RABGEF1: variants seen among roughly 807,000 people sequenced by gnomAD.
The protein encoded by RABGEF1 is rab5 GDP/GTP exchange factor.
In RABGEF1, 26 loss-of-function variants were observed where a neutral mutation model predicts 57.3. The ratio of observed to expected loss-of-function variants is 0.45; its 90% CI spans 0.33 to 0.63. The LOEUF (loss-of-function observed/expected upper bound fraction) is 0.63. Among genes scored for constraint, RABGEF1 ranks in the 20% least tolerant of loss-of-function variants. The probability of loss-of-function intolerance (pLI) is 0.02; values close to 1 mark genes in which losing one functional copy is unlikely to be tolerated. For missense variants in RABGEF1, 464 were observed against 607.6 expected, an observed-to-expected ratio of 0.76 and a Z score of 2.48; for synonymous variants, 185 against 210.7, an observed-to-expected ratio of 0.88 and a Z score of 1.06.
chr7:66,675,483 A>G, the RABGEF1 span, among the ~76,000 whole-genome samples: 8 of 152,078 alleles, frequency 5.3e-5, no homozygotes, highest in African/African-American at 1.9e-4. Context: ...CAGCTAATAT[A>G]CTCAGTGGTG....
chr7:66,806,006 A>T (rs908614225), intron 8 of RABGEF1, among the ~76,000 whole-genome samples: 1 of 151,512 alleles, frequency 6.6e-6, no homozygotes, highest in Non-Finnish European at 1.5e-5. Flanking sequence ...TGACCTCCCT[A>T]AGAGTTGGAA....
At chr7:66,654,897 C>T in the RABGEF1 span, among the ~76,000 whole-genome samples, 1 of 152,266 alleles carries the variant, frequency 6.6e-6, no homozygotes. Context: ...ATCTCCAGCG[C>T]CCGGACAAGC....
chr7:66,690,626 G>C (rs1431252517), intron 1 of RABGEF1, among the ~76,000 whole-genome samples: 1 of 151,524 alleles, frequency 6.6e-6, no homozygotes, highest in African/African-American at 2.4e-5. Flanking sequence ...GAGGTGAAAG[G>C]ATCTGGGAAG....
At chr7:66,684,228 G>A (rs1019992874) in intron 1 of RABGEF1, among the ~76,000 whole-genome samples, 1 of 152,038 alleles carries the variant, frequency 6.6e-6, no homozygotes, top group African/African-American at 2.4e-5. Context: ...GTTGGATCAC[G>A]AGGTCAGGAG....
the RABGEF1 span, among the ~76,000 whole-genome samples, chr7:66,666,689 C>T: frequency 6.6e-6 from 1 of 152,212 alleles, no homozygotes; most frequent in Non-Finnish European, 1.5e-5. Flanking sequence ...CCTGTCTGGC[C>T]AACACCCTTG....
chr7:66,793,093 G>A (rs10215516), intron 4 of RABGEF1, among the ~76,000 whole-genome samples: 74,406 of 151,944 alleles, frequency 0.49, 19,213 homozygotes, highest in East Asian at 0.74. Flanking sequence ...CTTGACACCA[G>A]TAAGACAGGC....
intron 1 of RABGEF1, among the ~76,000 whole-genome samples, chr7:66,745,195 A>G (rs1799921970): frequency 6.6e-6 from 1 of 152,048 alleles, no homozygotes; most frequent in Non-Finnish European, 1.5e-5. Flanking sequence ...CCATCTCAAA[A>G]AAAAAAAAAA....
chr7:66,678,930 CATGATAAAGAATCCCTCCTCTAA>C (rs1789497800), upstream of RABGEF1, among the ~76,000 whole-genome samples: 1 of 152,168 alleles, frequency 6.6e-6, no homozygotes, highest in South Asian at 2.1e-4. Flanking sequence ...ACTCACGTGG[CATGATAAAGAATCCCTCCTCTAA>C]ACCAATAACC....
At chr7:66,808,300 C>T (rs1407030545) in intron 8 of RABGEF1, among the ~76,000 whole-genome samples, 1 of 151,898 alleles carries the variant, frequency 6.6e-6, no homozygotes, top group Non-Finnish European at 1.5e-5. Context: ...ACTGCAACCT[C>T]CGCCTCCCAG....
At chr7:66,676,988 T>C in the RABGEF1 span, among the ~76,000 whole-genome samples, 1 of 152,202 alleles carries the variant, frequency 6.6e-6, no homozygotes, top group African/African-American at 2.4e-5. Flanking sequence ...AGCCAAGAAA[T>C]CATTGCCAAA....
chr7:66,726,773 G>A (rs972097209), intron 2 of RABGEF1, among the ~76,000 whole-genome samples: 1 of 152,134 alleles, frequency 6.6e-6, no homozygotes, highest in Non-Finnish European at 1.5e-5. Context: ...GGAGGCTGAG[G>A]TGGGCTGATC....
the RABGEF1 span, among the ~76,000 whole-genome samples, chr7:66,671,970 C>A: frequency 6.6e-6 from 1 of 151,810 alleles, no homozygotes; most frequent in South Asian, 2.1e-4. Context: ...GTGCACACCA[C>A]CACGCCTGGC....
At chr7:66,693,910 C>T (rs1047669630) in intron 1 of RABGEF1, among the ~76,000 whole-genome samples, 4 of 151,816 alleles carry the variant, frequency 2.6e-5, no homozygotes, top group Non-Finnish European at 5.9e-5. Context: ...GGGGCTCAAG[C>T]GATTCTCCTG....
chr7:66,755,858 T>C (rs1431612505), intron 1 of RABGEF1: 1 of 484,918 alleles, frequency 2.1e-6, no homozygotes, highest in African/African-American at 2.0e-5. Flanking sequence ...AACTCTACAT[T>C]GTATTCCAGG....
intron 2 of RABGEF1, among the ~76,000 whole-genome samples, chr7:66,735,145 A>G (rs1366426709): frequency 1.3e-5 from 2 of 152,182 alleles, no homozygotes; most frequent in African/African-American, 4.8e-5. Context: ...TGTTAGATAT[A>G]AAGTGTTAGC....
At chr7:66,681,569 G>A (rs902266608), upstream of RABGEF1, among the ~76,000 whole-genome samples, 2 of 97,266 alleles carry the variant, frequency 2.1e-5, no homozygotes, top group Admixed American at 2.1e-4. Context: ...CGGCTGATTT[G>A]TAAAATTTCT....
At chr7:66,684,252 T>C (rs1316873553) in intron 1 of RABGEF1, among the ~76,000 whole-genome samples, 2 of 152,124 alleles carry the variant, frequency 1.3e-5, no homozygotes. Context: ...AAGACCAGCC[T>C]GACCAACATG....
chr7:66,656,211 T>G, the RABGEF1 span, among the ~76,000 whole-genome samples: 5 of 152,012 alleles, frequency 3.3e-5, no homozygotes, highest in South Asian at 2.1e-4. Context: ...CAACTGCCTG[T>G]GCTCAAGGGA....
At chr7:66,747,255 A>G (rs1167298720) in intron 1 of RABGEF1, among the ~76,000 whole-genome samples, 1 of 152,154 alleles carries the variant, frequency 6.6e-6, no homozygotes, top group Non-Finnish European at 1.5e-5. Context: ...ACACACTGAG[A>G]GAGTATTAAG....
Sources: allele counts gnomAD v4.1 joint callset (sites outside exome capture counted in the v4.1 genomes callset), GRCh38; gene constraint gnomAD v4.1.1; transcripts MANE v1.5; gene names NCBI Gene and HGNC (gene_info 2026-07-23, HGNC 2026-07-21).